The following LYRM4 variants were observed in gnomAD, a reference collection of about 807,000 sequenced individuals.
LYRM4 encodes the protein LYR motif containing 4, also known as LYR motif-containing protein 4.
Under a neutral mutation model 11.7 loss-of-function variants are expected in LYRM4, and 9 were observed. The ratio of observed to expected loss-of-function variants is 0.77; its 90% CI spans 0.46 to 1.34. LYRM4 has a LOEUF of 1.34. LYRM4 is among the 40% of genes most tolerant of loss of function. The pLI is 0.00. For missense variants in LYRM4, 133 were observed against 112.5 expected (o/e 1.18, Z -0.82); for synonymous variants, 42 against 40.4 (o/e 1.04, Z -0.15).
chr6:5,160,196 C>G (rs925906560), intron 2 of LYRM4, among the ~76,000 whole-genome samples: 9 of 152,116 alleles, frequency 5.9e-5, no homozygotes, highest in Admixed American at 5.9e-4. Context: ...ATGCTAAGCT[C>G]CTGGAGTAGT....
intron 2 of LYRM4, among the ~76,000 whole-genome samples, chr6:5,142,461 G>A (rs1029581350): frequency 3.9e-5 from 6 of 152,104 alleles, no homozygotes; most frequent in Admixed American, 2.0e-4. Flanking sequence ...AGCCCCCCTC[G>A]CCATGCCCTG....
intron 2 of LYRM4, among the ~76,000 whole-genome samples, chr6:5,143,893 ATT>A (rs1757551827): frequency 6.6e-6 from 1 of 152,188 alleles, no homozygotes; most frequent in Non-Finnish European, 1.5e-5. Flanking sequence ...TGTATAAGTG[ATT>A]TATGTATTTG....
At position 5,108,553 on chromosome 6, in the gene LYRM4, G is replaced by T; in HGVS notation, c.*870C>A. 3 of 413,870 alleles carry T rather than the reference G, an allele frequency of 7.2e-6. No homozygotes were observed. Among genetic ancestry groups the T allele is most frequent in the Non-Finnish European group, 9.8e-6 (3 of 307,420 alleles). The allele number at this position is 413,870 out of a possible 1,614,324, so 25.6% of individuals were successfully genotyped here. On this transcript the variant is annotated 3_prime_UTR_variant, in exon 3 of 3. Coordinates refer to ENST00000330636, the MANE Select transcript of LYRM4 (RefSeq NM_020408.6). ...GACTGTGCCTCACCCCTCACTTACTGAGTCAGAATCTGCAGAGAGGGAAGT... is the reference window on the plus strand; with the variant it reads ...GACTGTGCCTCACCCCTCACTTACTTAGTCAGAATCTGCAGAGAGGGAAGT...
chr6:5,120,252 T>C (rs1048011062), intron 2 of LYRM4, among the ~76,000 whole-genome samples: 1 of 152,172 alleles, frequency 6.6e-6, no homozygotes, highest in Non-Finnish European at 1.5e-5. Context: ...CAGCTAGCAG[T>C]GGTTCTCATC....
intron 2 of LYRM4, among the ~76,000 whole-genome samples, chr6:5,125,105 C>T (rs1307055833): frequency 3.3e-5 from 5 of 152,198 alleles, no homozygotes; most frequent in Admixed American, 1.3e-4. Flanking sequence ...GCCTTGCTGA[C>T]GTGGCTGCTG....
At chr6:5,196,820 A>G (rs1022814337) in intron 2 of LYRM4, among the ~76,000 whole-genome samples, 2 of 152,174 alleles carry the variant, frequency 1.3e-5, no homozygotes, top group African/African-American at 4.8e-5. Flanking sequence ...AAAAATTCTG[A>G]TAAAAACAAT....
At chr6:5,097,901 C>T in the LYRM4 span, among the ~76,000 whole-genome samples, 3 of 152,220 alleles carry the variant, frequency 2.0e-5, no homozygotes, top group Non-Finnish European at 4.4e-5. Context: ...ACAGCCTCTT[C>T]AGAGATTATC....
At chr6:5,083,368 G>A in the LYRM4 span, among the ~76,000 whole-genome samples, 133,741 of 152,060 alleles carry the variant, frequency 0.88, 58,862 homozygotes, top group East Asian at 0.93. Flanking sequence ...AAGACAGGCC[G>A]TGTGCGCCTG....
intron 1 of LYRM4, among the ~76,000 whole-genome samples, chr6:5,240,918 A>T (rs1476108638): frequency 6.6e-6 from 1 of 152,188 alleles, no homozygotes; most frequent in Non-Finnish European, 1.5e-5. Flanking sequence ...AAGCACATCC[A>T]AAAATGCAAA....
intron 2 of LYRM4, among the ~76,000 whole-genome samples, chr6:5,186,316 G>A (rs1368868603): frequency 6.6e-6 from 1 of 152,154 alleles, no homozygotes; most frequent in African/African-American, 2.4e-5. Context: ...GCATCACAGA[G>A]GAAAACGTGG....
chr6:5,081,863 A>G, the LYRM4 span, among the ~76,000 whole-genome samples: 1 of 152,134 alleles, frequency 6.6e-6, no homozygotes, highest in Admixed American at 6.5e-5. Context: ...AAGTGATTAG[A>G]GGACTGGAAC....
chr6:5,125,987 T>C (rs774060543), intron 2 of LYRM4, among the ~76,000 whole-genome samples: 3 of 152,220 alleles, frequency 2.0e-5, no homozygotes, highest in Non-Finnish European at 4.4e-5. Flanking sequence ...AGACCTTCCT[T>C]CTGGGCAGTT....
rs555722198 is a variant in LYRM4, at chr6:5,118,330, C to T, written c.208-8839G>A. ...TGGGCTTTCACCATGTTGGCCAGGC[C>T]GGTCGCAAACTCCTGACTTCAGGTG... On this transcript the variant is annotated intron_variant, in intron 2 of 2. Transcript: ENST00000330636. Among the ~76,000 whole-genome samples, 8 of 152,062 alleles carry T rather than the reference C, an allele frequency of 5.3e-5. No individual in the cohort carries two copies. The South Asian group carries it at 1.5e-3, about 28-fold the overall frequency.
chr6:5,066,500 TA>T, the LYRM4 span: 1 of 781,440 alleles, frequency 1.3e-6, no homozygotes, highest in Non-Finnish European at 2.4e-6. Flanking sequence ...GTGGTTTTAT[TA>T]CTCCACCACT....
chr6:5,165,630 C>T (rs1319682270), intron 2 of LYRM4, among the ~76,000 whole-genome samples: 1 of 151,940 alleles, frequency 6.6e-6, no homozygotes, highest in African/African-American at 2.4e-5. Context: ...GCAGCCTCCA[C>T]CTCCCAGGTT....
intron 2 of LYRM4, among the ~76,000 whole-genome samples, chr6:5,117,582 A>G (rs1178584286): frequency 6.6e-6 from 1 of 151,640 alleles, no homozygotes; most frequent in Non-Finnish European, 1.5e-5. Context: ...GGGATTTGGG[A>G]CTTAGCTTAA....
At chr6:5,065,244 C>T in the LYRM4 span, among the ~76,000 whole-genome samples, 14 of 146,440 alleles carry the variant, frequency 9.6e-5, no homozygotes. Context: ...AGATATACTA[C>T]AGTTTACTTA....
intron 2 of LYRM4, among the ~76,000 whole-genome samples, chr6:5,178,639 C>A (rs1347814471): frequency 6.6e-6 from 1 of 150,522 alleles, no homozygotes; most frequent in Non-Finnish European, 1.5e-5. Flanking sequence ...CATGGTGAAA[C>A]CCTGTCTCTA....
intron 2 of LYRM4, among the ~76,000 whole-genome samples, chr6:5,206,130 CAT>C (rs1761682893): frequency 1.3e-5 from 2 of 152,342 alleles, no homozygotes; most frequent in South Asian, 4.1e-4. Flanking sequence ...GGGTCAGTGA[CAT>C]AGCTCACCCT....
Sources: gnomAD v4.1 joint callset for allele counts (sites outside exome capture counted in the v4.1 genomes callset) on GRCh38, gnomAD v4.1.1 for gene constraint, MANE v1.5 for transcripts, NCBI Gene and HGNC (gene_info 2026-07-23, HGNC 2026-07-21) for gene names.